The following PDE4D variants were observed in gnomAD, a reference collection of about 807,000 sequenced individuals.
PDE4D encodes phosphodiesterase 4D.
Under a neutral mutation model 87.4 loss-of-function variants are expected in PDE4D, and 24 were observed. The ratio of observed to expected loss-of-function variants is 0.27; its 90% CI spans 0.20 to 0.39. PDE4D has a LOEUF of 0.39. PDE4D is among the 10% of genes least tolerant of loss of function. The pLI, the probability that PDE4D is intolerant of heterozygous loss-of-function variation, is 1.00. For synonymous variants in PDE4D, 384 were observed against 383.2 expected (o/e 1.00, Z -0.02); for missense variants, 714 against 1,041.0 (o/e 0.69, Z 4.32).
At position 58,975,879 on chromosome 5, in the gene PDE4D, T is replaced by TG; in HGVS notation, c.1831-41_1831-40insC. On this transcript the variant is annotated intron_variant, in intron 13 of 14. Transcript: ENST00000340635. This position sits in a 1 kb window ranked among gnomAD's most constrained non-coding sequence, Gnocchi z 4.2. ...TGCATTCTCTATTCACTCCTGTTCCTTTTTTTTAAAAAAAAAAACAAAAAA... is the reference window on the plus strand; with the variant it reads ...TGCATTCTCTATTCACTCCTGTTCCTGTTTTTTTAAAAAAAAAAACAAAAAA... 8.4e-7 allele frequency: 1 copy of TG among 1,195,572 alleles called. No homozygotes were observed. The allele number at this position is 1,195,572 out of a possible 1,614,324, so 74.1% of individuals were successfully genotyped here. A position where few individuals can be genotyped will look rare whatever the true frequency, so the allele number is the denominator to read the frequency against.
intron 3 of PDE4D, among the ~76,000 whole-genome samples, chr5:59,969,191 ACTTCT>A (rs1760420376): frequency 6.6e-6 from 1 of 152,122 alleles, no homozygotes; most frequent in South Asian, 2.1e-4. Flanking sequence ...ATATCTACCC[ACTTCT>A]CTTCACAAGT....
chr5:59,691,980 A>C (rs112739328), intron 1 of PDE4D, among the ~76,000 whole-genome samples: 1 of 152,066 alleles, frequency 6.6e-6, no homozygotes, highest in African/African-American at 2.4e-5. Flanking sequence ...ACCTGGGCAA[A>C]ATATAAATTG....
intron 1 of PDE4D, among the ~76,000 whole-genome samples, chr5:59,345,456 C>T (rs917997413): frequency 5.9e-5 from 9 of 152,100 alleles, no homozygotes; most frequent in Admixed American, 1.3e-4. Flanking sequence ...ATTTAAGCTG[C>T]ATATGGATCA....
chr5:59,595,111 T>C (rs905967521), intron 1 of PDE4D, among the ~76,000 whole-genome samples: 4 of 152,318 alleles, frequency 2.6e-5, no homozygotes, highest in Admixed American at 2.6e-4. Context: ...TGTACAATTT[T>C]TATACAATTT....
At chr5:59,440,635 G>A (rs112491937) in intron 1 of PDE4D, among the ~76,000 whole-genome samples, 1 of 152,196 alleles carries the variant, frequency 6.6e-6, no homozygotes, top group African/African-American at 2.4e-5. Flanking sequence ...AATTAGCTGT[G>A]CATAGTGGTG....
chr5:60,485,166 G>A (rs1040408762), intron 1 of PDE4D, among the ~76,000 whole-genome samples: 3 of 152,166 alleles, frequency 2.0e-5, no homozygotes, highest in Admixed American at 1.3e-4. Flanking sequence ...GAAATGTAGG[G>A]CATTTAACTC....
At position 59,508,196 on chromosome 5, in the gene PDE4D, G is replaced by T. The variant is rs917225919; in HGVS notation, c.456-292228C>A. On this transcript the variant is annotated intron_variant, in intron 1 of 14. Coordinates refer to ENST00000340635, the MANE Select transcript of PDE4D (RefSeq NM_001104631.2). ...TAAACAAGGGGCCTAAACAGAGAAA[G>T]AACTCACATTCAGACTTCACAGAAA... 2.0e-5 allele frequency among the ~76,000 whole-genome samples: 3 copies of T among 152,084 alleles called. No individual in the cohort carries two copies. The East Asian group carries it at 5.8e-4, about 29-fold the overall frequency.
intron 1 of PDE4D, among the ~76,000 whole-genome samples, chr5:59,614,986 C>T (rs1424612282): frequency 6.6e-6 from 1 of 152,068 alleles, no homozygotes; most frequent in Non-Finnish European, 1.5e-5. Flanking sequence ...CGCACTACCA[C>T]ACCCAGCTAA....
At chr5:59,025,317 A>G (rs574845094) in intron 6 of PDE4D, among the ~76,000 whole-genome samples, 49 of 152,322 alleles carry the variant, frequency 3.2e-4, no homozygotes, top group African/African-American at 1.2e-3. Context: ...AAAAACACTA[A>G]CAAATATAAA....
At chr5:59,230,967 T>G (rs1332602847) in intron 1 of PDE4D, among the ~76,000 whole-genome samples, 2 of 152,338 alleles carry the variant, frequency 1.3e-5, no homozygotes, top group Non-Finnish European at 2.9e-5. Flanking sequence ...TCTTCAATTC[T>G]TTTAAAATAT....
chr5:60,451,844 T>C (rs923154853), intron 1 of PDE4D, among the ~76,000 whole-genome samples: 42 of 152,100 alleles, frequency 2.8e-4, no homozygotes, highest in African/African-American at 1.0e-3. Flanking sequence ...ACAGGATCTT[T>C]ACTGACCAGA....
chr5:59,197,859 G>A (rs1745813926), intron 2 of PDE4D, among the ~76,000 whole-genome samples: 1 of 152,146 alleles, frequency 6.6e-6, no homozygotes, highest in Admixed American at 6.6e-5. Context: ...TCTTGCACCT[G>A]AACAACTTTA....
intron 1 of PDE4D, among the ~76,000 whole-genome samples, chr5:60,249,824 C>T (rs1034443590): frequency 6.6e-6 from 1 of 151,946 alleles, no homozygotes; most frequent in Non-Finnish European, 1.5e-5. Flanking sequence ...AGAAACCACA[C>T]ATAACATTCC....
rs1342756476 is a variant in PDE4D at position 58,972,902 on chromosome 5, A to T, written c.*1762T>A. ...CAATATAATAAATATTTTAGGATGC[A>T]TCACAGTACTAACCCTCTGGTGCCA... On this transcript the variant is annotated 3_prime_UTR_variant, in exon 15 of 15. Coordinates refer to ENST00000340635, the MANE Select transcript of PDE4D (RefSeq NM_001104631.2). The T allele has an allele frequency of 6.6e-6, 1 of 152,180 alleles. No individual in the cohort carries two copies. Among genetic ancestry groups the T allele is most frequent in the East Asian group, 1.9e-4 (1 of 5,196 alleles). 9.4% of individuals were successfully genotyped at this position (152,180 alleles called of 1,614,324 possible). A position where few individuals can be genotyped will look rare whatever the true frequency, so the allele number is the denominator to read the frequency against.
intron 1 of PDE4D, among the ~76,000 whole-genome samples, chr5:59,459,533 G>A (rs1193986869): frequency 6.6e-6 from 1 of 152,196 alleles, no homozygotes; most frequent in Non-Finnish European, 1.5e-5. Context: ...TTACCCAGGT[G>A]AAGCTAATGT....
chr5:59,017,204 G>C (rs1483278849), intron 6 of PDE4D, among the ~76,000 whole-genome samples: 1 of 152,194 alleles, frequency 6.6e-6, no homozygotes, highest in African/African-American at 2.4e-5. Flanking sequence ...GATACCATTA[G>C]AAGGTTCTGA....
chr5:59,459,867 T>A (rs1420935885), intron 1 of PDE4D, among the ~76,000 whole-genome samples: 5 of 152,170 alleles, frequency 3.3e-5, no homozygotes, highest in African/African-American at 1.2e-4. Flanking sequence ...TTACATGGCA[T>A]CCCCTAGAGC....
At chr5:59,706,080 T>C (rs1242300826) in intron 1 of PDE4D, among the ~76,000 whole-genome samples, 1 of 152,182 alleles carries the variant, frequency 6.6e-6, no homozygotes, top group African/African-American at 2.4e-5. Flanking sequence ...GAGATTTTTT[T>C]ATGTTTTCAA....
At chr5:59,301,460 C>A (rs752245350) in intron 1 of PDE4D, among the ~76,000 whole-genome samples, 1 of 152,064 alleles carries the variant, frequency 6.6e-6, no homozygotes, top group East Asian at 1.9e-4. Flanking sequence ...AATATTTTAA[C>A]GTGTAGAGAT....
Sources: gnomAD v4.1 joint callset for allele counts (sites outside exome capture counted in the v4.1 genomes callset) on GRCh38, gnomAD v4.1.1 for gene constraint, Gnocchi (gnomAD v3.1) non-coding constraint, MANE v1.5 for transcripts, NCBI Gene and HGNC (gene_info 2026-07-23, HGNC 2026-07-21) for gene names.